NPHP1: variants seen among roughly 807,000 people sequenced by gnomAD.
The protein encoded by NPHP1 is nephrocystin-1.
A neutral mutation model predicts 90.4 loss-of-function variants in NPHP1; 70 were observed. The observed-to-expected ratio is 0.77, with a 90% confidence interval of 0.64 to 0.95. The LOEUF is 0.95. Among genes scored for constraint, NPHP1 ranks in the 40% least tolerant of loss-of-function variants. NPHP1 has a pLI of 0.00. For missense variants in NPHP1, 764 were observed against 795.9 expected, an observed-to-expected ratio of 0.96 and a Z score of 0.48; for synonymous variants, 256 against 271.7, an observed-to-expected ratio of 0.94 and a Z score of 0.57.
intron 18 of NPHP1, chr2:110,127,001 C>T (rs1679415442): frequency 6.6e-6 from 1 of 152,576 alleles, no homozygotes; most frequent in Non-Finnish European, 1.5e-5. Flanking sequence ...ACTATTACCT[C>T]ACCAAGATCC....
At chr2:110,201,774 A>G (rs1249146760) in intron 1 of NPHP1, among the ~76,000 whole-genome samples, 2 of 152,188 alleles carry the variant, frequency 1.3e-5, no homozygotes, top group Non-Finnish European at 2.9e-5. Flanking sequence ...GTCACTAACT[A>G]AAGTTCAATA....
intron 2 of NPHP1, chr2:110,185,082 GCTCTA>G (rs1424559835): frequency 1.0e-5 from 6 of 590,992 alleles, no homozygotes; most frequent in Non-Finnish European, 2.0e-5. Flanking sequence ...TGGATTGAGG[GCTCTA>G]TCCTTGCCTC....
chr2:110,181,957 G>C (rs545007852), intron 2 of NPHP1, among the ~76,000 whole-genome samples: 1 of 152,164 alleles, frequency 6.6e-6, no homozygotes, highest in Non-Finnish European at 1.5e-5. Context: ...TGACCTGATA[G>C]AGGTGAAAAA....
intron 10 of NPHP1, 50 bp downstream of exon 10, chr2:110,161,553 A>G (rs375033545): frequency 4.3e-5 from 52 of 1,220,710 alleles, no homozygotes; most frequent in Non-Finnish European, 6.0e-5. Context: ...AATTGCAACT[A>G]TGACAAAATC....
At position 110,123,690 on chromosome 2, in the gene NPHP1, G is replaced by T; in HGVS notation, c.*101C>A. On this transcript the variant is annotated 3_prime_UTR_variant, in exon 20 of 20. Coordinates refer to ENST00000445609, the MANE Select transcript of NPHP1 (RefSeq NM_001128178.3). ...GTAGAAAGAAAAGAGTAAAACCTAA[G>T]TTGTAAAGTGACAGTGATTTTTGGT... 8.4e-7 allele frequency: 1 copy of T among 1,186,430 alleles called. No homozygotes were observed. The highest frequency in any genetic ancestry group is 1.2e-6 in the Non-Finnish European group (1 of 802,568). The allele number at this position is 1,186,430 out of a possible 1,614,324, so 73.5% of individuals were successfully genotyped here. A position where few individuals can be genotyped will look rare whatever the true frequency, so the allele number is the denominator to read the frequency against.
At chr2:110,147,413 T>C (rs971035450) in intron 13 of NPHP1, among the ~76,000 whole-genome samples, 1 of 152,138 alleles carries the variant, frequency 6.6e-6, no homozygotes, top group Non-Finnish European at 1.5e-5. Context: ...AGGTCAACTA[T>C]ATATACTATA....
chr2:110,174,509 C>G (rs979998662), intron 4 of NPHP1, among the ~76,000 whole-genome samples: 1 of 152,134 alleles, frequency 6.6e-6, no homozygotes, highest in Non-Finnish European at 1.5e-5. Context: ...ACCTGCCAGC[C>G]TTTGTGCTAT....
chr2:110,186,793 C>T (rs770078023), intron 2 of NPHP1, among the ~76,000 whole-genome samples: 10 of 152,034 alleles, frequency 6.6e-5, no homozygotes, highest in Non-Finnish European at 1.3e-4. Context: ...ACCACACTGC[C>T]TGATGGGGCT....
intron 4 of NPHP1, among the ~76,000 whole-genome samples, chr2:110,176,553 C>G (rs1683523962): frequency 6.6e-6 from 1 of 152,100 alleles, no homozygotes; most frequent in African/African-American, 2.4e-5. Flanking sequence ...GACTCACTTA[C>G]AGACTTTGGA....
At chr2:110,172,606 C>T (rs995298460) in intron 4 of NPHP1, among the ~76,000 whole-genome samples, 1 of 152,020 alleles carries the variant, frequency 6.6e-6, no homozygotes, top group Non-Finnish European at 1.5e-5. Context: ...TATAGTGAGA[C>T]CCTGCCTCTA....
intron 8 of NPHP1, 193 bp downstream of exon 8, chr2:110,164,495 A>G (rs770593790): frequency 8.3e-7 from 1 of 1,197,992 alleles, no homozygotes; most frequent in Non-Finnish European, 1.2e-6. Context: ...TACAAAAAAA[A>G]AAAAAAACTA....
intron 15 of NPHP1, 97 bp downstream of exon 15, chr2:110,144,396 A>C: frequency 1.3e-6 from 1 of 768,868 alleles, no homozygotes; most frequent in South Asian, 1.6e-5. Flanking sequence ...TGTGAATTCA[A>C]GTAAAAAACG....
At chr2:110,125,310 ACAGGC>A in intron 19 of NPHP1, 1 of 1,534,598 alleles carries the variant, frequency 6.5e-7, no homozygotes, top group Non-Finnish European at 8.7e-7. Context: ...TCTTGGTGAT[ACAGGC>A]TTTGAGAGCT....
At chr2:110,140,531 T>C (rs954917689) in intron 16 of NPHP1, among the ~76,000 whole-genome samples, 3 of 152,092 alleles carry the variant, frequency 2.0e-5, no homozygotes, top group African/African-American at 7.2e-5. Flanking sequence ...ACAAAGTGTC[T>C]GAAAACCAGT....
intron 19 of NPHP1, chr2:110,124,995 T>C (rs1679246871): frequency 1.3e-5 from 6 of 457,582 alleles, no homozygotes; most frequent in Middle Eastern, 4.7e-4. Context: ...CTCACCTCTT[T>C]TCATAAATAA....
rs562594554 is a variant in NPHP1 at position 110,169,869 on chromosome 2, G to C, written c.459C>G (p.Thr153=). ...CTCCAACAGCGATGTATTCTTCACC[G>C]GTTGACCATTTGTGAGATTCATTTT... The part of the protein sequence containing the change: ...KEENESHKWS[T]GEEYIAVGDF... Residue 153 remains threonine (T), a synonymous_variant, in exon 5 of 20, where the codon ACC becomes ACG. Coordinates refer to ENST00000445609, the MANE Select transcript of NPHP1 (RefSeq NM_001128178.3). 1 of 1,613,464 alleles carries C rather than the reference G, an allele frequency of 6.2e-7. No individual in the cohort carries two copies.
At chr2:110,188,713 G>A (rs944563154) in intron 2 of NPHP1, among the ~76,000 whole-genome samples, 3 of 152,082 alleles carry the variant, frequency 2.0e-5, no homozygotes, top group African/African-American at 7.2e-5. Flanking sequence ...AAAGAACAAA[G>A]CTGGAGGCAT....
At chr2:110,201,622 A>G in intron 1 of NPHP1, 128 bp from the exon 2 acceptor site, 1 of 689,040 alleles carries the variant, frequency 1.5e-6, no homozygotes, top group Non-Finnish European at 2.5e-6. Flanking sequence ...AAAATTTTAC[A>G]GTGAAAACCC....
intron 15 of NPHP1, chr2:110,144,229 T>C (rs2104482596): frequency 2.1e-6 from 1 of 468,370 alleles, no homozygotes; most frequent in East Asian, 4.1e-5. Flanking sequence ...TAGTCACAAG[T>C]ATCAGTTCAG....
Sources: gnomAD v4.1 joint callset for allele counts (sites outside exome capture counted in the v4.1 genomes callset) on GRCh38, gnomAD v4.1.1 for gene constraint, MANE v1.5 for transcripts, NCBI Gene and HGNC (gene_info 2026-07-23, HGNC 2026-07-21) for gene names.